The following DDX54 variants were observed in gnomAD, a reference collection of about 807,000 sequenced individuals.
DDX54 encodes ATP-dependent RNA helicase DDX54.
DDX54 carries 67 observed loss-of-function variants against 105.5 expected under a neutral mutation model. The observed-to-expected ratio is 0.64, with a 90% CI of 0.52 to 0.78. DDX54 has a LOEUF of 0.78. Among genes scored for constraint, DDX54 ranks in the 30% least tolerant of loss-of-function variants. The pLI, the probability that DDX54 is intolerant of heterozygous loss-of-function variation, is 0.00. For synonymous variants in DDX54, 514 were observed against 509.9 expected (o/e 1.01, Z -0.11); for missense variants, 1,206 against 1,230.5 (o/e 0.98, Z 0.30).
At position 113,179,008 on chromosome 12, in the gene DDX54, G is replaced by A; in HGVS notation, c.583C>T (p.Leu195Phe). 6.2e-7 allele frequency: 1 copy of A among 1,614,166 alleles called. No individual in the cohort carries two copies. Residue 195 changes from leucine to phenylalanine, a missense_variant, in exon 5 of 20, where the codon CTC (leucine) becomes TTC (phenylalanine). This residue lies in a region of DDX54 where 961 missense variants were observed against 1,019.1 expected (regional missense o/e 0.94). Coordinates refer to ENST00000306014, the MANE Select transcript of DDX54 (RefSeq NM_024072.4). ...FTKELGKFTG[L>F]KTALILGGDR... ...CCACCCAGGATCAGGGCAGTCTTGAGGCCAGTGAACTTGCCTAGCTGAGAA... is the reference window on the plus strand; with the variant it reads ...CCACCCAGGATCAGGGCAGTCTTGAAGCCAGTGAACTTGCCTAGCTGAGAA...
intron 5 of DDX54, chr12:113,177,308 T>A: frequency 1.8e-6 from 1 of 559,960 alleles, no homozygotes; most frequent in South Asian, 2.5e-5. Flanking sequence ...ACAACAGAGT[T>A]CCTCTGAAGA....
At chr12:113,166,323 G>A (rs1335768220) in intron 12 of DDX54, among the ~76,000 whole-genome samples, 3 of 152,176 alleles carry the variant, frequency 2.0e-5, no homozygotes, top group Admixed American at 6.5e-5. Flanking sequence ...AGCTGTTTTT[G>A]CACTACAAGG....
Position 113,174,759 on chromosome 12 carries a change from GGAA to G in DDX54, c.946_948del (p.Phe316del), listed in dbSNP as rs1952380408. ...GCAGCCTTGGTGTCCTCCCGCACGA[GGAA>G]GAAGGAGGTCTGTGGGGAGAGGGCA... On this transcript the variant is annotated inframe_deletion, in exon 10 of 20. Coordinates refer to ENST00000306014, the MANE Select transcript of DDX54 (RefSeq NM_024072.4). 3.7e-6 allele frequency: 6 copies of G among 1,612,226 alleles called. No homozygotes were observed. Among genetic ancestry groups the G allele is most frequent in the Middle Eastern group, 1.7e-4 (1 of 6,056 alleles).
At chr12:113,184,926 T>C (rs1001314438) in intron 1 of DDX54, among the ~76,000 whole-genome samples, 20 of 152,040 alleles carry the variant, frequency 1.3e-4, no homozygotes, top group African/African-American at 4.6e-4. Flanking sequence ...CCAAGAACGC[T>C]CCAAACTCTC....
At chr12:113,178,356 T>C (rs1468932504) in intron 5 of DDX54, 1 of 152,442 alleles carries the variant, frequency 6.6e-6, no homozygotes, top group Non-Finnish European at 1.5e-5. Flanking sequence ...AACTTCTGAG[T>C]GGCAGTGCCT....
At position 113,175,088 on chromosome 12, in the gene DDX54, C is replaced by T. The variant is rs754854720; in HGVS notation, c.822G>A (p.Thr274=). The T allele has an allele frequency of 1.2e-5, 20 of 1,613,832 alleles. No individual in the cohort carries two copies. In the South Asian group the frequency reaches 1.6e-4, roughly 13 times the overall value. ...TGGGCAGCGTGGCGGAGAACAGCACCGTCTGGTGGCCCCCGGGGAGGCGGG... is the reference window on the plus strand; with the variant it reads ...TGGGCAGCGTGGCGGAGAACAGCACTGTCTGGTGGCCCCCGGGGAGGCGGG... ...IIARLPGGHQ[T]VLFSATLPKL... Residue 274 remains threonine, a synonymous_variant, in exon 8 of 20, where the codon ACG becomes ACA. Coordinates refer to ENST00000306014, the MANE Select transcript of DDX54 (RefSeq NM_024072.4).
intron 17 of DDX54, 91 bp from the exon 18 acceptor site, chr12:113,162,088 T>A: frequency 8.3e-7 from 1 of 1,199,454 alleles, no homozygotes; most frequent in Non-Finnish European, 1.2e-6. Context: ...CCCGACCCTC[T>A]TGTCAGGTTG....
At position 113,174,804 on chromosome 12, in the gene DDX54, G is replaced by A. The variant is rs779042566; in HGVS notation, c.937-33C>T. ...GAGAGGGCATCACGTGTTGGCTTAC[G>A]GGGTCCTGGCCCAGGGCCTGCAGGG... On this transcript the variant is annotated intron_variant, in intron 9 of 19. Transcript: ENST00000306014. 1.9e-5 allele frequency: 30 copies of A among 1,614,042 alleles called. 1 individual carries two copies. Among genetic ancestry groups the A allele is most frequent in the South Asian group, 1.8e-4 (16 of 91,092 alleles).
chr12:113,159,905 C>T (rs1410761624), intron 19 of DDX54, among the ~76,000 whole-genome samples: 1 of 152,084 alleles, frequency 6.6e-6, no homozygotes, highest in African/African-American at 2.4e-5. Context: ...CCCCAGGGCT[C>T]CTAGAGGGAT....
In DDX54 at chr12:113,165,897, T is replaced by C. The variant is rs752042941; in HGVS notation, c.1550A>G (p.Gln517Arg). The C allele has an allele frequency of 1.2e-6, 2 of 1,613,814 alleles. No individual in the cohort carries two copies. Among genetic ancestry groups the C allele is most frequent in the Admixed American group, 3.3e-5 (2 of 60,032 alleles). Reference sequence around the variant, plus strand: ...CGCCGGGCGTGAGCGCACATACTGCTGCTGGGCGTTATCAGCAACGCGGGC... The same window carrying C: ...CGCCGGGCGTGAGCGCACATACTGCCGCTGGGCGTTATCAGCAACGCGGGC... ...GLARVADNAQ[Q>R]QYVRSRPAPS... The change falls in exon 13 of 20, where the codon CAG becomes CGG. Residue 517 changes from glutamine (Q) to arginine (R), a missense_variant. Physicochemically the swap from Gln to Arg is conservative, Grantham distance 43. Around this residue, in one of 3 missense-constraint regions of DDX54, gnomAD observed 961 missense variants for 1,019.1 expected, o/e 0.94. Transcript: ENST00000306014.
intron 10 of DDX54, 124 bp downstream of exon 10, chr12:113,174,516 C>T (rs1952375390): frequency 1.5e-6 from 2 of 1,346,968 alleles, no homozygotes; most frequent in African/African-American, 3.0e-5. Flanking sequence ...ATAAAAATGA[C>T]CATCTTGAGC....
chr12:113,169,856 G>T lies in DDX54; in HGVS notation c.1328C>A (p.Ala443Asp). ...GRSGTAYSLV[A>D]PDEIPYLLDL... ...CAGCAGGTAGGGGATTTCATCAGGG[G>T]CCACCAAGGAGTAGGCTGTGCCACT... The change falls in exon 12 of 20, where the codon GCC becomes GAC. Residue 443 changes from alanine (A) to aspartate (D), a missense_variant. Coordinates refer to ENST00000306014, the MANE Select transcript of DDX54 (RefSeq NM_024072.4). 1 of 1,614,000 alleles carries T rather than the reference G, an allele frequency of 6.2e-7. No homozygotes were observed. The highest frequency in any genetic ancestry group is 1.1e-5 in the South Asian group (1 of 91,076).
chr12:113,163,277 G>A lies in DDX54; in HGVS notation c.1939-3C>T. On this transcript the variant is annotated splice_polypyrimidine_tract_variant and splice_region_variant and intron_variant, in intron 15 of 19. Coordinates refer to ENST00000306014, the MANE Select transcript of DDX54 (RefSeq NM_024072.4). This position sits in a 1 kb window ranked among gnomAD's most constrained non-coding sequence, Gnocchi z 5.9. Reference sequence around the variant, plus strand: ...CCCACGACCTCTGAGAAAATGTCCTGGCAGAGCACAGACCAAGGCCCAGTG... The same window carrying A: ...CCCACGACCTCTGAGAAAATGTCCTAGCAGAGCACAGACCAAGGCCCAGTG... The A allele has an allele frequency of 6.2e-7, 1 of 1,607,806 alleles. No individual in the cohort carries two copies. Among genetic ancestry groups the A allele is most frequent in the Non-Finnish European group, 8.5e-7 (1 of 1,179,774 alleles).
intron 11 of DDX54, among the ~76,000 whole-genome samples, chr12:113,170,876 G>A (rs1014599089): frequency 1.3e-5 from 2 of 152,024 alleles, no homozygotes; most frequent in Non-Finnish European, 2.9e-5. Flanking sequence ...GTGATGTATG[G>A]TGATGTAAAA....
At position 113,174,936 on chromosome 12, in the gene DDX54, C is replaced by T. The variant is rs867936399; in HGVS notation, c.875G>A (p.Gly292Asp). The change falls in exon 9 of 20, where the codon GGC becomes GAC. Residue 292 changes from glycine (G) to aspartate (D), a missense_variant and splice_region_variant. This residue lies in a region of DDX54 where 961 missense variants were observed against 1,019.1 expected (regional missense o/e 0.94). Transcript: ENST00000306014. ...PKLLVEFARA[G>D]LTEPVLIRLD... is the part of the protein sequence containing the mutation. ...CCGGATGAGCACGGGCTCCGTGAGG[C>T]CTGCAGGAGACATGGGGGAAAGTGG... 9.3e-6 allele frequency: 15 copies of T among 1,613,026 alleles called. No individual in the cohort carries two copies. In the African/African-American group the frequency reaches 1.9e-4, roughly 20 times the overall value.
chr12:113,162,033 G>A (rs576445690), intron 17 of DDX54, 36 bp from the exon 18 acceptor site: 1 of 1,602,154 alleles, frequency 6.2e-7, no homozygotes, highest in African/African-American at 1.3e-5. Context: ...TGCCGTGGAG[G>A]GAAACCCTTG....
intron 1 of DDX54, 134 bp downstream of exon 1, chr12:113,185,144 C>T (rs2136330803): frequency 8.4e-7 from 1 of 1,190,400 alleles, no homozygotes; most frequent in African/African-American, 1.6e-5. Context: ...GGTCCCAAGA[C>T]CGGTCCTCGG....
chr12:113,185,442 C>G lies in DDX54; in HGVS notation c.10G>C (p.Asp4His). 1 of 1,507,324 alleles carries G rather than the reference C, an allele frequency of 6.6e-7. No individual in the cohort carries two copies. The highest frequency in any genetic ancestry group is 8.8e-7 in the Non-Finnish European group (1 of 1,131,490). The allele number at this position is 1,507,324 out of a possible 1,614,324, so 93.4% of individuals were successfully genotyped here. MAADKGPAAGPRSR... is the reference protein window; with the variant it reads MAAHKGPAAGPRSR... ...CGAGGTCCAGCCGCCGGGCCCTTGTCGGCCGCCATTCGGGCCGCGCGCTGG... is the reference window on the plus strand; with the variant it reads ...CGAGGTCCAGCCGCCGGGCCCTTGTGGGCCGCCATTCGGGCCGCGCGCTGG... The change falls in exon 1 of 20, where the codon GAC (aspartate) becomes CAC (histidine). Residue 4 changes from aspartate to histidine, a missense_variant. Physicochemically the swap from Asp to His is moderately conservative, Grantham distance 81. Transcript: ENST00000306014.
At chr12:113,181,146 T>C (rs1593009793) in intron 1 of DDX54, 88 bp from the exon 2 acceptor site, 3 of 1,449,212 alleles carry the variant, frequency 2.1e-6, no homozygotes, top group Admixed American at 2.7e-5. Context: ...TTGCCCTCTC[T>C]CCCCCATTCA....
Sources: allele counts gnomAD v4.1 joint callset (sites outside exome capture counted in the v4.1 genomes callset), GRCh38; gene constraint gnomAD v4.1.1; regional missense constraint gnomAD v4.1.1; non-coding constraint Gnocchi (gnomAD v3.1); transcripts MANE v1.5; gene names NCBI Gene and HGNC (gene_info 2026-07-23, HGNC 2026-07-21).